PSG3: variants seen among roughly 807,000 people sequenced by gnomAD.
The protein encoded by PSG3 is pregnancy specific beta-1-glycoprotein 3.
A neutral mutation model predicts 47.5 loss-of-function variants in PSG3; 61 were observed. That is an observed-to-expected ratio of 1.28 (90% CI 1.05 to 1.59). The LOEUF (loss-of-function observed/expected upper bound fraction) is 1.59, where lower values mean the gene tolerates loss of function less well. Among genes scored for constraint, PSG3 ranks in the 40% most tolerant of loss-of-function variants. The pLI is 0.00. For synonymous variants in PSG3, 263 were observed against 198.4 expected, an observed-to-expected ratio of 1.33 and a Z score of -2.74; for missense variants, 756 against 524.0, an observed-to-expected ratio of 1.44 and a Z score of -4.32.
chr19:42,732,018 C>G (rs928626921), intron 3 of PSG3: 4 of 151,942 alleles, frequency 2.6e-5, no homozygotes, highest in Non-Finnish European at 4.4e-5. Context: ...TATTCCCTGT[C>G]CTGGGTTTTT....
chr19:42,723,292 T>G (rs1385446124), intron 6 of PSG3, among the ~76,000 whole-genome samples: 4 of 152,190 alleles, frequency 2.6e-5, no homozygotes, highest in African/African-American at 9.7e-5. Flanking sequence ...GCAGTGCAGA[T>G]GGTAGAGGGG....
intron 5 of PSG3, among the ~76,000 whole-genome samples, chr19:42,724,295 A>G (rs1252012690): frequency 6.6e-6 from 1 of 151,900 alleles, no homozygotes; most frequent in Non-Finnish European, 1.5e-5. Flanking sequence ...GCTGATTGCT[A>G]TTTTCTATGT....
chr19:42,739,283 G>C, intron 1 of PSG3, 194 bp from the exon 2 acceptor site: 2 of 1,009,374 alleles, frequency 2.0e-6, no homozygotes, highest in Non-Finnish European at 2.8e-6. Context: ...CTAGGTGAAG[G>C]TCAGCAACAT....
In PSG3 at chr19:42,738,718, A is replaced by T. The variant is rs1259645608; in HGVS notation, c.430+6T>A. 6.2e-7 allele frequency: 1 copy of T among 1,613,468 alleles called. No individual in the cohort carries two copies. Among genetic ancestry groups the T allele is most frequent in the Non-Finnish European group, 8.5e-7 (1 of 1,179,654 alleles). On this transcript the variant is annotated splice_donor_region_variant and intron_variant, in intron 2 of 6. Transcript: ENST00000327495. ...CAACACCCAGTGATCACGTGGAGTC[A>T]CTCACGGTATAAGGTGAAGGTGAAA...
chr19:42,739,020 A>C lies in PSG3; in HGVS notation c.134T>G (p.Val45Gly). 1 of 1,613,886 alleles carries C rather than the reference A, an allele frequency of 6.2e-7. No homozygotes were observed. The highest frequency in any genetic ancestry group is 8.5e-7 in the Non-Finnish European group (1 of 1,179,894). ...QVTIEAEPTK[V>G]SKGKDVLLLV... is the part of the protein sequence containing the mutation. ...TAGAAGAACGTCCTTCCCCTTGGAA[A>C]CTTTGGTTGGCTCGGCTTCAATCGT... Residue 45 changes from valine (V) to glycine (G), a missense_variant, in exon 2 of 7, where the codon GTT becomes GGT. Val to Gly is a moderately radical substitution (Grantham distance 109, BLOSUM62 -3). Coordinates refer to ENST00000327495, the MANE Select transcript of PSG3 (RefSeq NM_021016.4).
intron 3 of PSG3, among the ~76,000 whole-genome samples, chr19:42,730,880 G>A (rs1568749994): frequency 6.6e-6 from 1 of 152,232 alleles, no homozygotes; most frequent in African/African-American, 2.4e-5. Flanking sequence ...TGCAAATGCA[G>A]CACTGACTGG....
intron 3 of PSG3, among the ~76,000 whole-genome samples, chr19:42,731,207 G>A (rs771813526): frequency 5.9e-5 from 9 of 152,270 alleles, no homozygotes; most frequent in East Asian, 1.9e-4. Context: ...AGTTCACACA[G>A]ATTGAGTATT....
At chr19:42,736,820 C>A (rs559389099) in intron 2 of PSG3, among the ~76,000 whole-genome samples, 1 of 152,248 alleles carries the variant, frequency 6.6e-6, no homozygotes, top group Non-Finnish European at 1.5e-5. Flanking sequence ...GGGACATTGG[C>A]TCTAGAGGAA....
At chr19:42,736,060 A>G (rs1600389376) in intron 2 of PSG3, among the ~76,000 whole-genome samples, 1 of 152,204 alleles carries the variant, frequency 6.6e-6, no homozygotes, top group Non-Finnish European at 1.5e-5. Flanking sequence ...CAAGAATGAT[A>G]ATTGTTCCTC....
At chr19:42,725,173 G>A (rs1346942527) in intron 5 of PSG3, among the ~76,000 whole-genome samples, 7 of 152,106 alleles carry the variant, frequency 4.6e-5, no homozygotes, top group African/African-American at 9.7e-5. Context: ...GTGGCATCTC[G>A]TTTTATTGAC....
At chr19:42,740,184 T>A (rs1271674106) in intron 1 of PSG3, 137 bp downstream of exon 1, 1 of 1,544,718 alleles carries the variant, frequency 6.5e-7, no homozygotes, top group Non-Finnish European at 8.8e-7. Context: ...GAACTCCTGA[T>A]CTCGTGATCC....
At chr19:42,738,271 G>C (rs542777152) in intron 2 of PSG3, among the ~76,000 whole-genome samples, 6 of 152,178 alleles carry the variant, frequency 3.9e-5, no homozygotes, top group African/African-American at 9.7e-5. Flanking sequence ...CCCAAGAAGC[G>C]ACAACCCAGC....
intron 5 of PSG3, among the ~76,000 whole-genome samples, 180 bp from the exon 6 acceptor site, chr19:42,724,205 C>A (rs1424868506): frequency 6.6e-6 from 1 of 152,122 alleles, no homozygotes; most frequent in South Asian, 2.1e-4. Context: ...CCCTCTCACC[C>A]TGTTTCTCAG....
At chr19:42,731,198 G>A (rs527544393) in intron 3 of PSG3, among the ~76,000 whole-genome samples, 42 of 152,318 alleles carry the variant, frequency 2.8e-4, no homozygotes, top group Admixed American at 5.2e-4. Context: ...GATGCCTATA[G>A]TTCACACAGA....
At chr19:42,727,935 A>G (rs1969402931) in intron 5 of PSG3, among the ~76,000 whole-genome samples, 1 of 152,240 alleles carries the variant, frequency 6.6e-6, no homozygotes. Flanking sequence ...ATGTTGTTCA[A>G]CCTTAACAAG....
At chr19:42,734,098 G>C (rs899253936) in intron 2 of PSG3, 4 of 152,198 alleles carry the variant, frequency 2.6e-5, no homozygotes, top group East Asian at 1.9e-4. Flanking sequence ...GTAGTTTCCA[G>C]GAGCTGGGAT....
chr19:42,735,370 C>G (rs1322127052), intron 2 of PSG3, among the ~76,000 whole-genome samples: 2 of 151,202 alleles, frequency 1.3e-5, no homozygotes, highest in African/African-American at 2.5e-5. Flanking sequence ...TCTCTAAAAA[C>G]ATTTTTTTTT....
chr19:42,733,401 T>C, intron 2 of PSG3: 1 of 351,238 alleles, frequency 2.8e-6, no homozygotes, highest in South Asian at 4.4e-5. Flanking sequence ...TGGTCCTCAC[T>C]TGGAGCATGC....
chr19:42,729,528 G>A, intron 4 of PSG3, 151 bp from the exon 5 acceptor site: 7 of 1,472,904 alleles, frequency 4.8e-6, no homozygotes, highest in Non-Finnish European at 6.4e-6. Flanking sequence ...GAAGCCTGAG[G>A]TATTCCCCTG....
Sources: allele counts gnomAD v4.1 joint callset (sites outside exome capture counted in the v4.1 genomes callset), GRCh38; gene constraint gnomAD v4.1.1; transcripts MANE v1.5; gene names NCBI Gene and HGNC (gene_info 2026-07-23, HGNC 2026-07-21).